The following FRMD5 variants were observed in gnomAD, a reference collection of about 807,000 sequenced individuals.
FRMD5 encodes FERM domain-containing protein 5.
In FRMD5, 20 loss-of-function variants were observed where a neutral mutation model predicts 69.0. That is an observed-to-expected ratio of 0.29 (90% CI 0.20 to 0.42). The LOEUF (loss-of-function observed/expected upper bound fraction) is 0.42. FRMD5 is among the 10% of genes least tolerant of loss of function. The pLI, the probability that FRMD5 is intolerant of heterozygous loss-of-function variation, is 1.00. For missense variants in FRMD5, 595 were observed against 708.6 expected (o/e 0.84, Z 1.82); for synonymous variants, 271 against 260.1 (o/e 1.04, Z -0.40).
intron 1 of FRMD5, among the ~76,000 whole-genome samples, chr15:44,186,515 T>C (rs1366978157): frequency 6.6e-6 from 1 of 152,196 alleles, no homozygotes; most frequent in African/African-American, 2.4e-5. Context: ...ATGATTTGGC[T>C]TTTTCCTGCT....
chr15:44,196,887 C>A (rs1327376779), upstream of FRMD5, among the ~76,000 whole-genome samples: 1 of 151,864 alleles, frequency 6.6e-6, no homozygotes, highest in Non-Finnish European at 1.5e-5. Flanking sequence ...GCAGGATTCT[C>A]TTTTCAATGC....
intron 1 of FRMD5, among the ~76,000 whole-genome samples, chr15:44,173,708 T>C (rs1161037088): frequency 6.6e-6 from 1 of 151,886 alleles, no homozygotes; most frequent in African/African-American, 2.4e-5. Context: ...GAGACAGGGT[T>C]TCACCATGTT....
chr15:43,898,459 G>A (rs574295315), intron 7 of FRMD5, among the ~76,000 whole-genome samples: 1 of 152,302 alleles, frequency 6.6e-6, no homozygotes, highest in Non-Finnish European at 1.5e-5. Flanking sequence ...GTACAAAGCT[G>A]GCACAGACAG....
intron 1 of FRMD5, among the ~76,000 whole-genome samples, chr15:44,082,464 T>G (rs1232567180): frequency 6.6e-6 from 1 of 152,024 alleles, no homozygotes; most frequent in Non-Finnish European, 1.5e-5. Context: ...ATTTTGTCCA[T>G]AATTGACAGC....
At chr15:44,071,303 C>T (rs539203273) in intron 1 of FRMD5, among the ~76,000 whole-genome samples, 170 of 152,240 alleles carry the variant, frequency 1.1e-3, no homozygotes, top group Non-Finnish European at 1.7e-3. Context: ...GTTCTCACAC[C>T]TGTAATCCCA....
chr15:43,988,489 C>T (rs1889508680), intron 1 of FRMD5, among the ~76,000 whole-genome samples: 1 of 151,754 alleles, frequency 6.6e-6, no homozygotes, highest in African/African-American at 2.4e-5. Context: ...AAGGCATGCA[C>T]TTTTATTCAA....
intron 1 of FRMD5, among the ~76,000 whole-genome samples, chr15:43,991,875 G>A (rs373231624): frequency 9.2e-5 from 14 of 152,296 alleles, no homozygotes; most frequent in African/African-American, 3.1e-4. Context: ...ACACAGCGCA[G>A]TGTCCTAGCC....
At chr15:44,063,778 G>C (rs958138483) in intron 1 of FRMD5, 1 of 328,908 alleles carries the variant, frequency 3.0e-6, no homozygotes. Context: ...ATGGGGTGAT[G>C]CTGGCACTAA....
chr15:43,933,328 A>G (rs1292197322), intron 1 of FRMD5, among the ~76,000 whole-genome samples: 1 of 152,216 alleles, frequency 6.6e-6, no homozygotes, highest in Non-Finnish European at 1.5e-5. Context: ...ATTAGGAAGC[A>G]TACCATACTC....
chr15:43,993,318 G>A (rs1247747726), intron 1 of FRMD5, among the ~76,000 whole-genome samples: 2 of 152,000 alleles, frequency 1.3e-5, no homozygotes, highest in African/African-American at 2.4e-5. Flanking sequence ...TCAGCCTCCC[G>A]AGTAGCTGGG....
chr15:43,882,100 C>T (rs2088544168), intron 13 of FRMD5, among the ~76,000 whole-genome samples: 1 of 152,182 alleles, frequency 6.6e-6, no homozygotes, highest in South Asian at 2.1e-4. Flanking sequence ...CAACTTTACA[C>T]CTGTATCCAG....
chr15:44,123,310 A>G (rs1169028537), intron 1 of FRMD5, among the ~76,000 whole-genome samples: 1 of 151,172 alleles, frequency 6.6e-6, no homozygotes, highest in Admixed American at 6.6e-5. Flanking sequence ...GCGCCATTGC[A>G]CTCCAGCCAG....
chr15:44,073,200 G>A (rs1042804369), intron 1 of FRMD5, among the ~76,000 whole-genome samples: 4 of 152,000 alleles, frequency 2.6e-5, no homozygotes, highest in African/African-American at 4.8e-5. Flanking sequence ...TAAATCTTAC[G>A]TATTCCTCTC....
At position 43,964,502 on chromosome 15, in the gene FRMD5, A is replaced by AACAAAC. The variant is rs201660149; in HGVS notation, c.103-40194_103-40193insGTTTGT. ...TTTCAAACAAACAAACAAACAAACA[A>AACAAAC]AAAAAAAAACAAAAGAAAAGAAAAA... On this transcript the variant is annotated intron_variant, in intron 1 of 13. Coordinates refer to ENST00000417257, the MANE Select transcript of FRMD5 (RefSeq NM_032892.5). Among the ~76,000 whole-genome samples the AACAAAC allele has an allele frequency of 3.3e-5, 5 of 150,004 alleles. No homozygotes were observed. In the East Asian group the frequency reaches 7.8e-4, roughly 23 times the overall value.
Position 44,155,100 on chromosome 15 carries a change from T to C in FRMD5, c.102+39853A>G, listed in dbSNP as rs2077505910. Among the ~76,000 whole-genome samples the C allele has an allele frequency of 3.9e-5, 6 of 152,086 alleles. No individual in the cohort carries two copies. The South Asian group carries it at 1.2e-3, about 32-fold the overall frequency. ...AATATAAAAGATGGATAATAACATG[T>C]GTTGGTGAGGAGACAGTACAGCATA... On this transcript the variant is annotated intron_variant, in intron 1 of 13. Transcript: ENST00000417257.
In FRMD5 at chr15:44,107,560, C is replaced by G. The variant is rs552887161; in HGVS notation, c.102+87393G>C. ...TCTCTCTTGATTTGTAGTTATCAGC[C>G]GAAAAATGCTGCTCAAAGGTTATAT... On this transcript the variant is annotated intron_variant, in intron 1 of 13. Coordinates refer to ENST00000417257, the MANE Select transcript of FRMD5 (RefSeq NM_032892.5). 2.0e-5 allele frequency among the ~76,000 whole-genome samples: 3 copies of G among 151,888 alleles called. No homozygotes were observed. The East Asian group carries it at 5.8e-4, about 29-fold the overall frequency.
intron 1 of FRMD5, among the ~76,000 whole-genome samples, chr15:44,052,038 C>CCATA (rs1483163527): frequency 1.3e-5 from 2 of 151,924 alleles, no homozygotes; most frequent in African/African-American, 2.4e-5. Flanking sequence ...TATGTACAGC[C>CCATA]CATACTAAAG....
Position 43,873,368 on chromosome 15 carries a change from C to G in FRMD5, c.*517G>C. ...AAAAACAAACAAAAAACTAAACAGTCCCCATTGTCCAGATCCCTGGCCTGC... is the reference window on the plus strand; with the variant it reads ...AAAAACAAACAAAAAACTAAACAGTGCCCATTGTCCAGATCCCTGGCCTGC... On this transcript the variant is annotated 3_prime_UTR_variant, in exon 14 of 14. Coordinates refer to ENST00000417257, the MANE Select transcript of FRMD5 (RefSeq NM_032892.5). 6.9e-7 allele frequency: 1 copy of G among 1,459,198 alleles called. No individual in the cohort carries two copies. Among genetic ancestry groups the G allele is most frequent in the South Asian group, 1.4e-5 (1 of 69,328 alleles). The allele number at this position is 1,459,198 out of a possible 1,614,324, so 90.4% of individuals were successfully genotyped here.
intron 1 of FRMD5, among the ~76,000 whole-genome samples, chr15:44,104,932 C>G (rs945670770): frequency 6.6e-6 from 1 of 152,060 alleles, no homozygotes; most frequent in African/African-American, 2.4e-5. Context: ...GGCAATATTG[C>G]ATTATATGGA....
Sources: gnomAD v4.1 joint callset for allele counts (sites outside exome capture counted in the v4.1 genomes callset) on GRCh38, gnomAD v4.1.1 for gene constraint, MANE v1.5 for transcripts, NCBI Gene and HGNC (gene_info 2026-07-23, HGNC 2026-07-21) for gene names.